Variants in CBLB observed in about 807,000 individuals in gnomAD.
CBLB encodes the protein Cbl proto-oncogene B.
Under a neutral mutation model 104.9 loss-of-function variants are expected in CBLB, and 31 were observed. The observed-to-expected ratio is 0.30, with a 90% CI of 0.22 to 0.40. The LOEUF is 0.40. CBLB is among the 10% of genes least tolerant of loss of function. The pLI is 1.00. For synonymous variants in CBLB, 440 were observed against 422.6 expected, an observed-to-expected ratio of 1.04 and a Z score of -0.51; for missense variants, 1,062 against 1,214.6, an observed-to-expected ratio of 0.87 and a Z score of 1.87.
intron 4 of CBLB, among the ~76,000 whole-genome samples, chr3:105,759,548 C>T (rs926055369): frequency 6.6e-6 from 1 of 152,208 alleles, no homozygotes; most frequent in Non-Finnish European, 1.5e-5. Context: ...CGGCCTCCCT[C>T]CAGTGCTCCT....
At chr3:105,756,673 T>C (rs2152922033) in intron 4 of CBLB, among the ~76,000 whole-genome samples, 1 of 152,300 alleles carries the variant, frequency 6.6e-6, no homozygotes, top group East Asian at 1.9e-4. Context: ...CTAGGAACAT[T>C]AACAAGTATG....
At chr3:105,760,893 C>T (rs1384752018) in intron 4 of CBLB, among the ~76,000 whole-genome samples, 1 of 152,138 alleles carries the variant, frequency 6.6e-6, no homozygotes, top group Non-Finnish European at 1.5e-5. Flanking sequence ...AAAAACAAAT[C>T]TATACAAGAA....
chr3:105,719,618 T>A (rs2072464982), intron 10 of CBLB, among the ~76,000 whole-genome samples: 1 of 152,226 alleles, frequency 6.6e-6, no homozygotes, highest in Non-Finnish European at 1.5e-5. Context: ...TGCATAAAAG[T>A]ATAGCACATA....
At chr3:105,748,896 G>C (rs2076353044) in intron 5 of CBLB, among the ~76,000 whole-genome samples, 1 of 152,030 alleles carries the variant, frequency 6.6e-6, no homozygotes, top group Non-Finnish European at 1.5e-5. Flanking sequence ...CTCACCTTCA[G>C]TTCCCTTTCT....
intron 3 of CBLB, among the ~76,000 whole-genome samples, chr3:105,810,257 C>CT (rs2084095218): frequency 6.6e-6 from 1 of 152,046 alleles, no homozygotes; most frequent in Admixed American, 6.6e-5. Context: ...AAATTAATTA[C>CT]TTACATTTCC....
chr3:105,715,229 T>A (rs1484448314), intron 10 of CBLB, among the ~76,000 whole-genome samples: 1 of 152,172 alleles, frequency 6.6e-6, no homozygotes, highest in Non-Finnish European at 1.5e-5. Context: ...GTCTGAGGGC[T>A]CACATCAGAT....
intron 6 of CBLB, 136 bp downstream of exon 6, chr3:105,745,781 C>T: frequency 1.4e-6 from 1 of 737,450 alleles, no homozygotes; most frequent in Non-Finnish European, 2.4e-6. Flanking sequence ...TAAGAAGCAC[C>T]ATTTTGGTCT....
chr3:105,745,182 T>C (rs1330533755), intron 6 of CBLB, among the ~76,000 whole-genome samples: 2 of 152,184 alleles, frequency 1.3e-5, no homozygotes, highest in African/African-American at 2.4e-5. Context: ...CTGCCTGCCA[T>C]AGCACAAATG....
chr3:105,824,831 AC>A (rs2086359018), intron 3 of CBLB, among the ~76,000 whole-genome samples: 1 of 151,970 alleles, frequency 6.6e-6, no homozygotes. Context: ...TGAGAAGGAG[AC>A]CTCATCATTC....
chr3:105,731,690 G>A (rs992765770), intron 9 of CBLB, among the ~76,000 whole-genome samples: 3 of 152,034 alleles, frequency 2.0e-5, no homozygotes, highest in Admixed American at 1.3e-4. Context: ...TGGGCTCAGG[G>A]GATCTTCCTG....
chr3:105,814,823 T>C lies in CBLB; in HGVS notation c.420-38281A>G, dbSNP rs553633635. On this transcript the variant is annotated intron_variant, in intron 3 of 18. Coordinates refer to ENST00000394030, the MANE Select transcript of CBLB (RefSeq NM_170662.5). ...CTCTTCAATTATCCCTCATGTCCAA[T>C]GAATATGAGAAGAAAATCCATAGTC... Among the ~76,000 whole-genome samples the C allele has an allele frequency of 9.4e-4, 143 of 152,148 alleles. 1 individual carries two copies. Among genetic ancestry groups the C allele is most frequent in the African/African-American group, 3.4e-3 (142 of 41,538 alleles).
At chr3:105,797,218 T>C (rs531533428) in intron 3 of CBLB, among the ~76,000 whole-genome samples, 22 of 152,322 alleles carry the variant, frequency 1.4e-4, no homozygotes, top group African/African-American at 5.3e-4. Flanking sequence ...ATAAAGACAG[T>C]GTGGTACATA....
intron 6 of CBLB, among the ~76,000 whole-genome samples, chr3:105,742,744 T>C (rs2152886105): frequency 6.6e-6 from 1 of 152,298 alleles, no homozygotes; most frequent in Non-Finnish European, 1.5e-5. Flanking sequence ...CTCAGCAAAG[T>C]TTACAGTGTA....
At chr3:105,773,376 G>A (rs11708360) in intron 4 of CBLB, among the ~76,000 whole-genome samples, 84,727 of 151,956 alleles carry the variant, frequency 0.56, 24,489 homozygotes, top group Middle Eastern at 0.67. Context: ...TGGACTTTGG[G>A]GTCGTGGTGG....
chr3:105,741,557 A>G (rs1157597412), intron 6 of CBLB, among the ~76,000 whole-genome samples: 1 of 152,012 alleles, frequency 6.6e-6, no homozygotes, highest in Non-Finnish European at 1.5e-5. Flanking sequence ...CACCACACCC[A>G]GCTAATTTTT....
rs780572628 is a variant in CBLB at position 105,670,265 on chromosome 3, G to A, written c.2657C>T (p.Ser886Leu). Residue 886 changes from serine (S) to leucine (L), a missense_variant, in exon 18 of 19, where the codon TCA becomes TTA. Transcript: ENST00000394030. Reference protein sequence around the residue: ...PGENVKTNRTSQDYDQLPSCS... With the variant: ...PGENVKTNRTLQDYDQLPSCS... Reference sequence around the variant, plus strand: ...TGAAGGAAGCTGATCATAGTCCTGTGATGTTCTGTTAGTTTTGACATTTTC... The same window carrying A: ...TGAAGGAAGCTGATCATAGTCCTGTAATGTTCTGTTAGTTTTGACATTTTC... 3 of 1,613,118 alleles carry A rather than the reference G, an allele frequency of 1.9e-6. No homozygotes were observed. The highest frequency in any genetic ancestry group is 3.3e-5 in the Admixed American group (2 of 59,968).
rs373458692 is a variant in CBLB, at chr3:105,670,349, G to A, written c.2573C>T (p.Pro858Leu). The A allele has an allele frequency of 2.5e-6, 4 of 1,609,894 alleles. No homozygotes were observed. The highest frequency in any genetic ancestry group is 3.3e-5 in the Admixed American group (2 of 59,832). ...GQDLFLLPSD[P>L]FVDLASGQVP... is the part of the protein sequence containing the mutation. ...TTGGCCACTTGCTAGATCAACAAAG[G>A]GATCTTAAAAATAAAAACAAGTTTC... Residue 858 changes from proline (P) to leucine (L), a missense_variant, in exon 18 of 19, where the codon CCC becomes CTC. Pro to Leu is a moderately conservative substitution (Grantham distance 98). Around this residue, in one of 2 missense-constraint regions of CBLB, gnomAD observed 605 missense variants for 582.6 expected, o/e 1.04. Transcript: ENST00000394030.
At chr3:105,793,948 T>C (rs2081976905) in intron 3 of CBLB, among the ~76,000 whole-genome samples, 1 of 152,164 alleles carries the variant, frequency 6.6e-6, no homozygotes, top group Non-Finnish European at 1.5e-5. Context: ...AGTATGAAAA[T>C]ATTAGCTCAT....
intron 3 of CBLB, among the ~76,000 whole-genome samples, chr3:105,835,914 C>T (rs2088404251): frequency 6.6e-6 from 1 of 152,170 alleles, no homozygotes; most frequent in Non-Finnish European, 1.5e-5. Context: ...AAGGATTAAA[C>T]TTGATGCTGG....
Sources: allele counts gnomAD v4.1 joint callset (sites outside exome capture counted in the v4.1 genomes callset), GRCh38; gene constraint gnomAD v4.1.1; regional missense constraint gnomAD v4.1.1; transcripts MANE v1.5; gene names NCBI Gene and HGNC (gene_info 2026-07-23, HGNC 2026-07-21).